Variants in UTRN observed in about 807,000 individuals in gnomAD.
UTRN encodes dystrophin-related protein 1.
Under a neutral mutation model 463.9 loss-of-function variants are expected in UTRN, and 283 were observed. That is an observed-to-expected ratio of 0.61 (90% confidence interval 0.55 to 0.67). The LOEUF (loss-of-function observed/expected upper bound fraction) is 0.67. Among genes scored for constraint, UTRN ranks in the 30% least tolerant of loss-of-function variants. The probability of loss-of-function intolerance (pLI) is 0.00; values close to 1 mark genes in which losing one functional copy is unlikely to be tolerated. For synonymous variants in UTRN, 1,442 were observed against 1,431.5 expected, an observed-to-expected ratio of 1.01 and a Z score of -0.17; for missense variants, 3,922 against 4,084.3, an observed-to-expected ratio of 0.96 and a Z score of 1.08.
chr6:144,662,438 C>A (rs2128673056), intron 51 of UTRN, among the ~76,000 whole-genome samples: 1 of 152,322 alleles, frequency 6.6e-6, no homozygotes, highest in African/African-American at 2.4e-5. Context: ...TGAGTAACAG[C>A]CATTCTACAC....
At chr6:144,679,004 T>A in intron 52 of UTRN, among the ~76,000 whole-genome samples, 1 of 152,104 alleles carries the variant, frequency 6.6e-6, no homozygotes, top group Non-Finnish European at 1.5e-5. Context: ...ACTTGCCAAG[T>A]TTTGGGGCTA....
chr6:144,769,966 T>C (rs1793816733), intron 58 of UTRN, among the ~76,000 whole-genome samples: 1 of 152,182 alleles, frequency 6.6e-6, no homozygotes, highest in Admixed American at 6.5e-5. Context: ...ATAGTAAGAA[T>C]TTAGGTCAAA....
At chr6:144,311,467 A>G (rs996482577) in intron 2 of UTRN, among the ~76,000 whole-genome samples, 1 of 152,246 alleles carries the variant, frequency 6.6e-6, no homozygotes, top group Non-Finnish European at 1.5e-5. Flanking sequence ...CTATTTAAAA[A>G]AAGAGCTTAG....
rs751757940 is a variant in UTRN, at chr6:144,782,081, G to A, written c.8792G>A (p.Cys2931Tyr). Residue 2931 changes from cysteine to tyrosine, a missense_variant, in exon 61 of 75, where the codon TGT (cysteine) becomes TAT (tyrosine). Transcript: ENST00000367545. ...AAGGACCTGGTCAACGTTCCACTCT[G>A]TGTTGATATGTGTCTCAATTGGTTG... Reference protein sequence around the residue: ...MHKDLVNVPLCVDMCLNWLLN... With the variant: ...MHKDLVNVPLYVDMCLNWLLN... The A allele has an allele frequency of 1.2e-6, 2 of 1,613,286 alleles. No individual in the cohort carries two copies. The highest frequency in any genetic ancestry group is 1.7e-6 in the Non-Finnish European group (2 of 1,179,522).
At chr6:144,454,177 A>G (rs1427835216) in intron 19 of UTRN, among the ~76,000 whole-genome samples, 2 of 152,174 alleles carry the variant, frequency 1.3e-5, no homozygotes, top group Non-Finnish European at 2.9e-5. Context: ...TTGGGTTTAT[A>G]TATTGGGAAT....
At chr6:144,507,289 A>T (rs1304890466) in intron 34 of UTRN, among the ~76,000 whole-genome samples, 1 of 151,458 alleles carries the variant, frequency 6.6e-6, no homozygotes, top group Non-Finnish European at 1.5e-5. Context: ...CTCATTCTCC[A>T]TCCGGTTTTG....
chr6:144,664,699 C>T (rs539271809), intron 51 of UTRN, among the ~76,000 whole-genome samples: 48 of 151,942 alleles, frequency 3.2e-4, no homozygotes, highest in South Asian at 2.3e-3. Flanking sequence ...TGATTAAAAT[C>T]TGTGAGATTA....
intron 65 of UTRN, among the ~76,000 whole-genome samples, 199 bp downstream of exon 65, chr6:144,803,346 T>C (rs1480847704): frequency 6.6e-6 from 1 of 152,020 alleles, no homozygotes; most frequent in Non-Finnish European, 1.5e-5. Context: ...ATCTGTGTTT[T>C]GATTTTAAAC....
intron 2 of UTRN, among the ~76,000 whole-genome samples, chr6:144,309,710 A>T (rs1290390443): frequency 6.6e-6 from 1 of 152,176 alleles, no homozygotes; most frequent in African/African-American, 2.4e-5. Context: ...TGAACCCCAC[A>T]GTAGAGGGAT....
At chr6:144,570,791 G>A (rs1800868085) in intron 50 of UTRN, among the ~76,000 whole-genome samples, 1 of 152,108 alleles carries the variant, frequency 6.6e-6, no homozygotes, top group Non-Finnish European at 1.5e-5. Context: ...TTCCTTTGAA[G>A]TATGACCGTA....
At chr6:144,844,166 T>C (rs1406490633) in intron 73 of UTRN, among the ~76,000 whole-genome samples, 2 of 152,202 alleles carry the variant, frequency 1.3e-5, no homozygotes, top group African/African-American at 4.8e-5. Context: ...TTGATACATA[T>C]TTTCATATTC....
At chr6:144,450,978 T>A (rs1788225372) in intron 17 of UTRN, among the ~76,000 whole-genome samples, 2 of 152,082 alleles carry the variant, frequency 1.3e-5, no homozygotes, top group Admixed American at 6.6e-5. Context: ...CTGGGTGTGG[T>A]GGTGGGCACC....
At chr6:144,490,309 C>A in intron 31 of UTRN, 110 bp downstream of exon 31, 1 of 1,441,362 alleles carries the variant, frequency 6.9e-7, no homozygotes, top group Non-Finnish European at 9.3e-7. Context: ...GTGATGTAAA[C>A]CATGGGATGG....
At chr6:144,792,253 AAGAG>A (rs1238929915) in intron 62 of UTRN, among the ~76,000 whole-genome samples, 1 of 152,178 alleles carries the variant, frequency 6.6e-6, no homozygotes, top group East Asian at 1.9e-4. Context: ...TCCTTATAAA[AAGAG>A]AGAATGGACC....
intron 2 of UTRN, among the ~76,000 whole-genome samples, chr6:144,311,339 G>T (rs781492239): frequency 6.6e-6 from 1 of 152,192 alleles, no homozygotes; most frequent in African/African-American, 2.4e-5. Context: ...GCAGAGTTTG[G>T]GGGGTGGGAC....
chr6:144,665,372 A>G (rs1408487008), intron 51 of UTRN, among the ~76,000 whole-genome samples: 1 of 152,050 alleles, frequency 6.6e-6, no homozygotes, highest in African/African-American at 2.4e-5. Context: ...TGTTTTATTG[A>G]TTTGTTTTAT....
intron 27 of UTRN, among the ~76,000 whole-genome samples, chr6:144,483,163 A>G (rs1368894706): frequency 6.6e-6 from 1 of 152,218 alleles, no homozygotes; most frequent in Non-Finnish European, 1.5e-5. Flanking sequence ...TACTTTGATC[A>G]TTCATTCATT....
chr6:144,772,941 T>C (rs1232700843), intron 59 of UTRN, among the ~76,000 whole-genome samples: 1 of 151,972 alleles, frequency 6.6e-6, no homozygotes, highest in Non-Finnish European at 1.5e-5. Flanking sequence ...GGATGCCCCC[T>C]TTTTTAATCT....
Position 144,522,980 on chromosome 6 carries a change from G to C in UTRN, c.5734-36G>C, listed in dbSNP as rs1179504218. 5 of 1,456,758 alleles carry C rather than the reference G, an allele frequency of 3.4e-6. No individual in the cohort carries two copies. In the African/African-American group the frequency reaches 4.3e-5, roughly 13 times the overall value. The allele number at this position is 1,456,758 out of a possible 1,614,324, so 90.2% of individuals were successfully genotyped here. On this transcript the variant is annotated intron_variant, in intron 40 of 74. Transcript: ENST00000367545. ...CTGTGATTCCTTTTTTTGTTACTTT[G>C]CTGGATTTTGTTAATCTATGACAAT...
Sources: allele counts gnomAD v4.1 joint callset (sites outside exome capture counted in the v4.1 genomes callset), GRCh38; gene constraint gnomAD v4.1.1; transcripts MANE v1.5; gene names NCBI Gene and HGNC (gene_info 2026-07-23, HGNC 2026-07-21).